The following MICU1 variants were observed in gnomAD, a reference collection of about 807,000 sequenced individuals.
The protein encoded by MICU1 is calcium uptake protein 1, mitochondrial.
In MICU1, 45 loss-of-function variants were observed where a neutral mutation model predicts 56.8. The ratio of observed to expected loss-of-function variants is 0.79; its 90% CI spans 0.62 to 1.02. MICU1 has a LOEUF of 1.02. Among genes scored for constraint, MICU1 ranks in the 50% least tolerant of loss-of-function variants. The pLI is 0.00. For synonymous variants in MICU1, 186 were observed against 195.1 expected (o/e 0.95, Z 0.39); for missense variants, 504 against 587.1 (o/e 0.86, Z 1.46).
At chr10:72,435,808 G>A (rs1043140658) in intron 8 of MICU1, among the ~76,000 whole-genome samples, 15 of 152,364 alleles carry the variant, frequency 9.8e-5, no homozygotes, top group Admixed American at 2.6e-4. Context: ...GTCTGCGATC[G>A]AACTGCAAGG....
chr10:72,619,288 C>CA (rs1283461778), intron 1 of MICU1, among the ~76,000 whole-genome samples: 2 of 151,642 alleles, frequency 1.3e-5, no homozygotes, highest in African/African-American at 2.4e-5. Flanking sequence ...ACTAAAAATA[C>CA]AAAAAAATTA....
chr10:72,605,720 C>G (rs568586508), intron 1 of MICU1, among the ~76,000 whole-genome samples: 18 of 152,158 alleles, frequency 1.2e-4, no homozygotes, highest in Non-Finnish European at 2.4e-4. Context: ...ATAGGTTATA[C>G]GCAAATAGTA....
chr10:72,573,822 C>T (rs1479590774), intron 1 of MICU1, among the ~76,000 whole-genome samples: 1 of 152,174 alleles, frequency 6.6e-6, no homozygotes, highest in South Asian at 2.1e-4. Flanking sequence ...CACCACTGAG[C>T]TCAGGCCCAA....
chr10:72,507,342 T>C (rs1867286265), intron 6 of MICU1, among the ~76,000 whole-genome samples: 1 of 152,074 alleles, frequency 6.6e-6, no homozygotes, highest in Non-Finnish European at 1.5e-5. Flanking sequence ...TCACTTAGAG[T>C]AGCATACTAA....
At chr10:72,544,329 G>A (rs954164366) in intron 4 of MICU1, among the ~76,000 whole-genome samples, 8 of 152,208 alleles carry the variant, frequency 5.3e-5, no homozygotes, top group African/African-American at 1.4e-4. Flanking sequence ...TCTTTAACCC[G>A]GTGTCTGAGG....
At chr10:72,563,345 T>C (rs1433558815) in intron 2 of MICU1, among the ~76,000 whole-genome samples, 1 of 152,188 alleles carries the variant, frequency 6.6e-6, no homozygotes, top group East Asian at 1.9e-4. Flanking sequence ...CATTGGCAGA[T>C]GAATAAACAA....
intron 5 of MICU1, among the ~76,000 whole-genome samples, chr10:72,511,693 G>A (rs1867454067): frequency 6.6e-6 from 1 of 152,166 alleles, no homozygotes; most frequent in African/African-American, 2.4e-5. Context: ...TTTCACAAAT[G>A]CAGTACAAAA....
chr10:72,400,469 G>T (rs1297479205), intron 10 of MICU1, among the ~76,000 whole-genome samples: 1 of 152,152 alleles, frequency 6.6e-6, no homozygotes, highest in Non-Finnish European at 1.5e-5. Flanking sequence ...TGACTGGCCG[G>T]GCGTGGTGGC....
At chr10:72,568,747 C>CTTTTTTTTTTTTTTTTTTTTTTTTTTTTT (rs72319510) in intron 1 of MICU1, among the ~76,000 whole-genome samples, 1 of 55,548 alleles carries the variant, frequency 1.8e-5, no homozygotes, top group Non-Finnish European at 3.3e-5. Context: ...AGTTCTTATT[C>CTTTTTTTTTTTTTTTTTTTTTTTTTTTTT]TTTTTTTTTT....
chr10:72,423,159 T>C lies in MICU1; in HGVS notation c.1071+75A>G, dbSNP rs10823922. On this transcript the variant is annotated intron_variant, in intron 9 of 11. Coordinates refer to ENST00000361114, the MANE Select transcript of MICU1 (RefSeq NM_001195518.2). ...GGTTCATGAAATACTCTCATCATTA[T>C]GTTAATACCTTCATATTAAATAATA... 949,878 of 1,528,368 alleles carry C rather than the reference T, an allele frequency of 0.62. 309,052 individuals carry two copies. The highest frequency in any genetic ancestry group is 0.68 in the Non-Finnish European group (774,208 of 1,131,860). The allele number at this position is 1,528,368 out of a possible 1,614,324, so 94.7% of individuals were successfully genotyped here.
chr10:72,487,507 G>A (rs1242039460), intron 6 of MICU1, among the ~76,000 whole-genome samples: 2 of 152,102 alleles, frequency 1.3e-5, no homozygotes, highest in South Asian at 2.1e-4. Context: ...GCTACCAAGA[G>A]GTGGAAGTGG....
chr10:72,499,852 C>T (rs1025339330), intron 6 of MICU1, among the ~76,000 whole-genome samples: 2 of 152,092 alleles, frequency 1.3e-5, no homozygotes, highest in African/African-American at 2.4e-5. Flanking sequence ...TGATCAGCAC[C>T]ACACTTTCCA....
Position 72,614,724 on chromosome 10 carries a change from G to A in MICU1, c.-2+11286C>T, listed in dbSNP as rs80320014. On this transcript the variant is annotated intron_variant, in intron 1 of 11. Coordinates refer to ENST00000361114, the MANE Select transcript of MICU1 (RefSeq NM_001195518.2). Reference sequence around the variant, plus strand: ...AGGCACCTAGCATAGTCAAATCATAGAGACAGAAAGTAGAATGATGGATGC... The same window carrying A: ...AGGCACCTAGCATAGTCAAATCATAAAGACAGAAAGTAGAATGATGGATGC... Among the ~76,000 whole-genome samples, 1,297 of 152,296 alleles carry A rather than the reference G, an allele frequency of 8.5e-3. 19 individuals are homozygous for A. The highest frequency in any genetic ancestry group is 0.029 in the African/African-American group (1,225 of 41,542).
At chr10:72,458,368 A>T (rs1865538831) in intron 8 of MICU1, among the ~76,000 whole-genome samples, 1 of 152,162 alleles carries the variant, frequency 6.6e-6, no homozygotes, top group African/African-American at 2.4e-5. Flanking sequence ...AATTTCTGAC[A>T]TGTGCTCCAT....
At chr10:72,538,123 A>G (rs758783075) in intron 4 of MICU1, among the ~76,000 whole-genome samples, 2 of 152,134 alleles carry the variant, frequency 1.3e-5, no homozygotes, top group Non-Finnish European at 2.9e-5. Context: ...TACAATAATC[A>G]GATTATCAGT....
intron 10 of MICU1, among the ~76,000 whole-genome samples, chr10:72,397,612 A>G (rs1863311765): frequency 6.6e-6 from 1 of 152,232 alleles, no homozygotes; most frequent in Admixed American, 6.5e-5. Flanking sequence ...TGGAAAACAA[A>G]AAAAAGCAGT....
At chr10:72,378,699 C>A (rs1013462610) in intron 10 of MICU1, among the ~76,000 whole-genome samples, 2 of 152,146 alleles carry the variant, frequency 1.3e-5, no homozygotes, top group Non-Finnish European at 2.9e-5. Flanking sequence ...CAAGGTAATG[C>A]GGTAGAAAAC....
intron 9 of MICU1, among the ~76,000 whole-genome samples, chr10:72,421,286 C>T (rs145169701): frequency 4.6e-5 from 7 of 151,186 alleles, no homozygotes; most frequent in African/African-American, 7.3e-5. Flanking sequence ...GATAGAGTTT[C>T]GTTCTTTCTC....
chr10:72,587,407 T>C (rs1461568557), intron 1 of MICU1, among the ~76,000 whole-genome samples: 3 of 141,222 alleles, frequency 2.1e-5, no homozygotes, highest in Non-Finnish European at 4.5e-5. Flanking sequence ...TTTGAGGTTA[T>C]AGTGAGGAAT....
Sources: gnomAD v4.1 joint callset for allele counts (sites outside exome capture counted in the v4.1 genomes callset) on GRCh38, gnomAD v4.1.1 for gene constraint, MANE v1.5 for transcripts, NCBI Gene and HGNC (gene_info 2026-07-23, HGNC 2026-07-21) for gene names.